The following ME1 variants were observed in gnomAD, a reference collection of about 807,000 sequenced individuals.
ME1 encodes NADP-dependent malic enzyme.
A neutral mutation model predicts 66.4 loss-of-function variants in ME1; 74 were observed. The observed-to-expected ratio is 1.11, with a 90% CI of 0.92 to 1.35. ME1 has a LOEUF of 1.35. Ranked by LOEUF, ME1 falls within the 40% of genes most tolerant of loss-of-function variation. The probability of loss-of-function intolerance (pLI) is 0.00; values close to 1 mark genes in which losing one functional copy is unlikely to be tolerated. For synonymous variants in ME1, 251 were observed against 235.6 expected, an observed-to-expected ratio of 1.07 and a Z score of -0.60; for missense variants, 750 against 694.1, an observed-to-expected ratio of 1.08 and a Z score of -0.90.
At chr6:83,377,594 A>G (rs1415212423) in intron 3 of ME1, among the ~76,000 whole-genome samples, 1 of 152,080 alleles carries the variant, frequency 6.6e-6, no homozygotes, top group Non-Finnish European at 1.5e-5. Context: ...GGCAATCAAA[A>G]TAACTTAAAC....
At chr6:83,266,459 T>C (rs1766990807) in intron 6 of ME1, among the ~76,000 whole-genome samples, 1 of 152,140 alleles carries the variant, frequency 6.6e-6, no homozygotes, top group Non-Finnish European at 1.5e-5. Context: ...CACTCACTTA[T>C]CAATAACATG....
intron 12 of ME1, among the ~76,000 whole-genome samples, chr6:83,216,871 AG>A (rs1217438830): frequency 2.0e-5 from 3 of 152,184 alleles, no homozygotes; most frequent in Admixed American, 6.6e-5. Flanking sequence ...ATGAAATGCT[AG>A]ATACTTTCCA....
intron 1 of ME1, among the ~76,000 whole-genome samples, chr6:83,428,329 C>A (rs1374828247): frequency 6.6e-6 from 1 of 152,130 alleles, no homozygotes; most frequent in African/African-American, 2.4e-5. Context: ...TAATAACATA[C>A]TATAAATGCT....
chr6:83,219,628 C>T (rs1272216015), intron 12 of ME1, among the ~76,000 whole-genome samples: 1 of 152,070 alleles, frequency 6.6e-6, no homozygotes, highest in Non-Finnish European at 1.5e-5. Context: ...AACAGGGTCT[C>T]ACTCAGATTG....
chr6:83,426,563 G>A (rs1174185043), intron 1 of ME1, among the ~76,000 whole-genome samples: 1 of 152,146 alleles, frequency 6.6e-6, no homozygotes, highest in African/African-American at 2.4e-5. Context: ...AGTTTACATT[G>A]AAGAAAAAGA....
chr6:83,414,129 A>C (rs977474216), intron 1 of ME1, among the ~76,000 whole-genome samples: 4 of 151,408 alleles, frequency 2.6e-5, no homozygotes, highest in Admixed American at 6.6e-5. Flanking sequence ...AAAAAAAAAA[A>C]AACTAAAAAA....
chr6:83,393,034 C>T (rs1324247459), intron 3 of ME1: 12 of 1,239,788 alleles, frequency 9.7e-6, no homozygotes, highest in Non-Finnish European at 1.4e-5. Flanking sequence ...TCTGCCTCTA[C>T]TGGTGCTGCC....
rs183610846 is a variant in ME1 at position 83,260,875 on chromosome 6, A to T, written c.705-7137T>A. ...GTATCACTGATGGGCATTTAGGTTG[A>T]TTCCATGTCTTTGCTATTGTGAGTA... is the stretch of plus-strand genomic sequence containing the variant. On this transcript the variant is annotated intron_variant, in intron 6 of 13. Coordinates refer to ENST00000369705, the MANE Select transcript of ME1 (RefSeq NM_002395.6). 2.0e-3 allele frequency among the ~76,000 whole-genome samples: 301 copies of T among 152,214 alleles called. 4 individuals are homozygous for T. Among genetic ancestry groups the T allele is most frequent in the Non-Finnish European group, 4.9e-4 (33 of 68,006 alleles).
intron 6 of ME1, among the ~76,000 whole-genome samples, chr6:83,302,315 G>C (rs758700191): frequency 6.6e-6 from 1 of 151,996 alleles, no homozygotes; most frequent in Non-Finnish European, 1.5e-5. Context: ...TAGGAGGTTG[G>C]GAGGAGGGAG....
chr6:83,321,684 G>A (rs1342167689), intron 5 of ME1, among the ~76,000 whole-genome samples: 1 of 152,168 alleles, frequency 6.6e-6, no homozygotes, highest in East Asian at 1.9e-4. Flanking sequence ...CTATCTCCCT[G>A]GGACAGAACA....
chr6:83,426,125 C>G (rs1223242158), intron 1 of ME1, among the ~76,000 whole-genome samples: 1 of 152,188 alleles, frequency 6.6e-6, no homozygotes, highest in Admixed American at 6.5e-5. Context: ...CTATATCACA[C>G]AGCTAATTGG....
At chr6:83,328,368 A>G (rs562993769) in intron 5 of ME1, among the ~76,000 whole-genome samples, 220 of 152,270 alleles carry the variant, frequency 1.4e-3, no homozygotes, top group Non-Finnish European at 1.8e-3. Flanking sequence ...AATGTGGATG[A>G]CGGGTTGATG....
intron 6 of ME1, among the ~76,000 whole-genome samples, chr6:83,281,806 CAAAAAAAAAAAAAAAA>C (rs140157932): frequency 0.12 from 1,581 of 13,336 alleles, 32 homozygotes; most frequent in East Asian, 0.29. Flanking sequence ...ACTCTGTCTC[CAAAAAAAAAAAAAAAA>C]AAAAAAAAAA....
intron 6 of ME1, among the ~76,000 whole-genome samples, chr6:83,311,693 G>T (rs149170524): frequency 1.3e-5 from 2 of 152,202 alleles, no homozygotes; most frequent in African/African-American, 4.8e-5. Context: ...TCCCCTGAAG[G>T]TCAGGAGTGA....
chr6:83,420,682 G>C (rs746949737), intron 1 of ME1, among the ~76,000 whole-genome samples: 6 of 152,154 alleles, frequency 3.9e-5, no homozygotes, highest in Admixed American at 3.9e-4. Flanking sequence ...GAACTCCTGA[G>C]AGGTTATAGC....
intron 3 of ME1, among the ~76,000 whole-genome samples, chr6:83,371,161 G>T (rs1769187398): frequency 6.6e-6 from 1 of 152,002 alleles, no homozygotes; most frequent in Non-Finnish European, 1.5e-5. Context: ...TTTATTCTAA[G>T]AATTTTATTA....
chr6:83,383,131 C>G (rs556355751), intron 3 of ME1, among the ~76,000 whole-genome samples: 1 of 151,924 alleles, frequency 6.6e-6, no homozygotes, highest in East Asian at 1.9e-4. Context: ...TACATATACA[C>G]ACATATACAT....
At chr6:83,316,455 A>C (rs1320543223) in intron 5 of ME1, among the ~76,000 whole-genome samples, 1 of 152,170 alleles carries the variant, frequency 6.6e-6, no homozygotes, top group Non-Finnish European at 1.5e-5. Flanking sequence ...TGAAAATCCC[A>C]CAGCTGATAG....
intron 3 of ME1, among the ~76,000 whole-genome samples, chr6:83,386,671 T>C (rs1487537128): frequency 6.6e-6 from 1 of 151,940 alleles, no homozygotes; most frequent in African/African-American, 2.4e-5. Flanking sequence ...ATTAAACTAT[T>C]GAAAGTTCCT....
Sources: gnomAD v4.1 joint callset for allele counts (sites outside exome capture counted in the v4.1 genomes callset) on GRCh38, gnomAD v4.1.1 for gene constraint, MANE v1.5 for transcripts, NCBI Gene and HGNC (gene_info 2026-07-23, HGNC 2026-07-21) for gene names.